Variants in NAA11 observed in about 807,000 individuals in gnomAD.
NAA11 encodes the protein N-alpha-acetyltransferase 11, NatA catalytic subunit.
NAA11 carries 15 observed loss-of-function variants against 16.1 expected under a neutral mutation model. The observed-to-expected ratio is 0.93, with a 90% CI of 0.62 to 1.44. The LOEUF (loss-of-function observed/expected upper bound fraction) is 1.44. Ranked by LOEUF, NAA11 falls within the 40% of genes most tolerant of loss-of-function variation. The probability of loss-of-function intolerance (pLI) is 0.00; values close to 1 mark genes in which losing one functional copy is unlikely to be tolerated. For synonymous variants in NAA11, 122 were observed against 112.4 expected (o/e 1.09, Z -0.54); for missense variants, 298 against 291.3 (o/e 1.02, Z -0.17).
chr4:79,321,147 A>G (rs1223472572), intron 1 of NAA11, among the ~76,000 whole-genome samples: 2 of 152,144 alleles, frequency 1.3e-5, no homozygotes, highest in Non-Finnish European at 2.9e-5. Context: ...TATGTAGACA[A>G]CCTCAGACAG....
the NAA11 span, among the ~76,000 whole-genome samples, chr4:79,214,318 C>T: frequency 0.99 from 151,149 of 152,290 alleles, 75,017 homozygotes; most frequent in Middle Eastern, 1. Flanking sequence ...TTCACAAGTA[C>T]TTGATATATA....
the NAA11 span, among the ~76,000 whole-genome samples, chr4:79,218,034 G>A: frequency 1.3e-5 from 2 of 152,046 alleles, no homozygotes; most frequent in African/African-American, 2.4e-5. Flanking sequence ...AGTCATGAAG[G>A]GTGCAGAATT....
intron 2 of NAA11, among the ~76,000 whole-genome samples, chr4:79,259,768 G>T (rs755543533): frequency 1.1e-4 from 17 of 152,278 alleles, no homozygotes; most frequent in African/African-American, 1.7e-4. Context: ...TCATAGTTAG[G>T]AATATTTAGT....
At chr4:79,229,552 G>A (rs1437751013) in intron 2 of NAA11, among the ~76,000 whole-genome samples, 2 of 151,606 alleles carry the variant, frequency 1.3e-5, no homozygotes, top group Non-Finnish European at 2.9e-5. Flanking sequence ...ATGTTTTTGA[G>A]TATTAGACCT....
At chr4:79,305,070 C>T (rs186937288) in intron 1 of NAA11, 46 of 152,282 alleles carry the variant, frequency 3.0e-4, no homozygotes, top group African/African-American at 9.9e-4. Flanking sequence ...TAGTAGCAGT[C>T]GCCTGTCTTC....
intron 2 of NAA11, among the ~76,000 whole-genome samples, chr4:79,232,059 T>C (rs1377777278): frequency 6.6e-6 from 1 of 151,888 alleles, no homozygotes; most frequent in South Asian, 2.1e-4. Context: ...AGATTTCTTA[T>C]CTTTTGGATA....
At chr4:79,252,769 A>C (rs745371914) in intron 2 of NAA11, among the ~76,000 whole-genome samples, 22 of 152,214 alleles carry the variant, frequency 1.4e-4, no homozygotes, top group Non-Finnish European at 1.9e-4. Flanking sequence ...AGAAGTGGAA[A>C]GAGATGATGT....
chr4:79,244,631 T>TCCCCCC (rs1721764253), intron 2 of NAA11: 5 of 32,514 alleles, frequency 1.5e-4, no homozygotes, highest in African/African-American at 1.6e-4. Flanking sequence ...CCCCTCCCCC[T>TCCCCCC]CCCCCTCCCC....
the NAA11 span, among the ~76,000 whole-genome samples, chr4:79,204,550 C>T: frequency 4.3e-4 from 65 of 150,864 alleles, no homozygotes; most frequent in African/African-American, 1.5e-3. Flanking sequence ...TTCCTCCCTC[C>T]GTCCCTTCCT....
At chr4:79,171,096 G>A in the NAA11 span, among the ~76,000 whole-genome samples, 5 of 152,166 alleles carry the variant, frequency 3.3e-5, no homozygotes, top group African/African-American at 9.6e-5. Context: ...TAAGAATCTA[G>A]AGAATAGCCA....
chr4:79,291,374 G>T (rs1451382957), intron 2 of NAA11, among the ~76,000 whole-genome samples: 1 of 151,792 alleles, frequency 6.6e-6, no homozygotes, highest in Admixed American at 6.6e-5. Context: ...GAGGCAGGAG[G>T]ATCACTTCAG....
At chr4:79,193,947 T>A in the NAA11 span, among the ~76,000 whole-genome samples, 2 of 152,216 alleles carry the variant, frequency 1.3e-5, no homozygotes, top group Non-Finnish European at 2.9e-5. Context: ...TTCACATCCC[T>A]TGTAAGTTGG....
rs145442659 is a variant in NAA11 at position 79,231,883 on chromosome 4, C to CAT, written c.*123-5615_*123-5614dup. ...GGAACATTTTCTAGGACAAATCATTCATATATATATATGCATACACACATA... is the reference window on the plus strand; with the variant it reads ...GGAACATTTTCTAGGACAAATCATTCATATATATATATATGCATACACACATA... On this transcript the variant is annotated intron_variant and NMD_transcript_variant, in intron 2 of 2. Coordinates refer to the NAA11 transcript ENST00000511542. Among the ~76,000 whole-genome samples, 774 of 150,916 alleles carry CAT rather than the reference C, an allele frequency of 5.1e-3. 17 individuals carry two copies. In the East Asian group the frequency reaches 0.061, roughly 12 times the overall value.
chr4:79,261,311 AGT>A (rs1009894710), intron 2 of NAA11, among the ~76,000 whole-genome samples: 5 of 152,172 alleles, frequency 3.3e-5, no homozygotes, highest in African/African-American at 1.2e-4. Context: ...GTTTTGGCTG[AGT>A]GTGAAACCAA....
intron 2 of NAA11, among the ~76,000 whole-genome samples, chr4:79,264,447 T>C (rs1722301934): frequency 6.6e-6 from 1 of 152,204 alleles, no homozygotes; most frequent in Non-Finnish European, 1.5e-5. Context: ...CCTACTCTAT[T>C]TCTCTTCTCT....
At chr4:79,176,031 A>G in the NAA11 span, among the ~76,000 whole-genome samples, 1 of 152,156 alleles carries the variant, frequency 6.6e-6, no homozygotes, top group Middle Eastern at 3.2e-3. Context: ...GTCTTTCCTT[A>G]CAGAGTTCAG....
At chr4:79,176,513 TA>T in the NAA11 span, among the ~76,000 whole-genome samples, 1 of 152,098 alleles carries the variant, frequency 6.6e-6, no homozygotes, top group Non-Finnish European at 1.5e-5. Flanking sequence ...TCCTTCTTTC[TA>T]GGGGGAAATC....
chr4:79,265,033 T>C (rs1295930750), intron 2 of NAA11, among the ~76,000 whole-genome samples: 2 of 152,186 alleles, frequency 1.3e-5, no homozygotes, highest in African/African-American at 2.4e-5. Context: ...TTCTTAATTG[T>C]CTCCTAAAAC....
intron 2 of NAA11, among the ~76,000 whole-genome samples, chr4:79,263,554 G>A (rs1328971080): frequency 6.6e-6 from 1 of 152,190 alleles, no homozygotes. Context: ...AGGAAAACTA[G>A]TTAACAATGA....
Sources: gnomAD v4.1 joint callset for allele counts (sites outside exome capture counted in the v4.1 genomes callset) on GRCh38, gnomAD v4.1.1 for gene constraint, MANE v1.5 for transcripts, NCBI Gene and HGNC (gene_info 2026-07-23, HGNC 2026-07-21) for gene names.